PCDH15: variants seen among roughly 807,000 people sequenced by gnomAD.
The protein encoded by PCDH15 is protocadherin related 15.
In PCDH15, 129 loss-of-function variants were observed where a neutral mutation model predicts 178.5. The observed-to-expected ratio is 0.72, with a 90% CI of 0.63 to 0.84. The LOEUF is 0.84. Among genes scored for constraint, PCDH15 ranks in the 40% least tolerant of loss-of-function variants. PCDH15 has a pLI of 0.00. For missense variants in PCDH15, 2,230 were observed against 2,099.9 expected (o/e 1.06, Z -1.21); for synonymous variants, 800 against 732.0 (o/e 1.09, Z -1.50).
chr10:54,900,694 T>C (rs1954624542), intron 2 of PCDH15, among the ~76,000 whole-genome samples: 2 of 152,170 alleles, frequency 1.3e-5, no homozygotes, highest in African/African-American at 4.8e-5. Flanking sequence ...AATGTATAAA[T>C]GGCAACAATA....
intron 36 of PCDH15, among the ~76,000 whole-genome samples, chr10:53,811,261 G>C (rs1339264158): frequency 6.6e-6 from 1 of 152,046 alleles, no homozygotes; most frequent in South Asian, 2.1e-4. Flanking sequence ...TAGGAATTGA[G>C]CAAATATGTT....
At chr10:54,613,800 T>C (rs2093042624) in intron 2 of PCDH15, among the ~76,000 whole-genome samples, 1 of 151,578 alleles carries the variant, frequency 6.6e-6, no homozygotes, top group South Asian at 2.1e-4. Context: ...GCAAATGGTT[T>C]CATTGATTAT....
intron 25 of PCDH15, among the ~76,000 whole-genome samples, chr10:53,919,591 T>C (rs1359318248): frequency 4.6e-5 from 7 of 152,188 alleles, no homozygotes; most frequent in African/African-American, 1.4e-4. Flanking sequence ...ATAACATGTC[T>C]AAAATTACTC....
At chr10:54,903,422 A>G (rs1302152250) in intron 2 of PCDH15, among the ~76,000 whole-genome samples, 1 of 152,180 alleles carries the variant, frequency 6.6e-6, no homozygotes, top group Non-Finnish European at 1.5e-5. Flanking sequence ...TCAGACTTCC[A>G]AAGTATAATA....
intron 2 of PCDH15, among the ~76,000 whole-genome samples, chr10:54,565,393 T>C (rs920301133): frequency 2.6e-5 from 4 of 152,198 alleles, no homozygotes; most frequent in Admixed American, 1.3e-4. Flanking sequence ...CAGACAAGTA[T>C]TTCTACCCAC....
chr10:55,075,645 A>C (rs1248346893), intron 2 of PCDH15, among the ~76,000 whole-genome samples: 1 of 151,844 alleles, frequency 6.6e-6, no homozygotes, highest in African/African-American at 2.4e-5. Flanking sequence ...TTACAGGCAT[A>C]AGCCACTGTG....
chr10:55,290,414 A>C (rs1341067437), intron 1 of PCDH15, among the ~76,000 whole-genome samples: 3 of 152,072 alleles, frequency 2.0e-5, no homozygotes, highest in African/African-American at 7.2e-5. Flanking sequence ...TATTTTCTGT[A>C]TGTTTTGCAT....
intron 3 of PCDH15, among the ~76,000 whole-genome samples, chr10:54,814,063 C>T (rs1027472938): frequency 2.0e-5 from 3 of 152,130 alleles, no homozygotes; most frequent in African/African-American, 7.2e-5. Context: ...ATATATTATG[C>T]CAGCTAATTC....
At chr10:55,482,695 C>T (rs1347055619) in intron 2 of PCDH15, among the ~76,000 whole-genome samples, 1 of 151,810 alleles carries the variant, frequency 6.6e-6, no homozygotes. Flanking sequence ...CGCTGTTAGT[C>T]TGATGGGCTT....
intron 18 of PCDH15, among the ~76,000 whole-genome samples, chr10:54,060,671 C>T (rs113598497): frequency 0.014 from 2,098 of 152,236 alleles, 23 homozygotes; most frequent in African/African-American, 0.028. Flanking sequence ...TTTGGCAAGT[C>T]AAATTTGAAC....
chr10:54,908,896 C>T (rs775509969), intron 2 of PCDH15, among the ~76,000 whole-genome samples: 5 of 151,678 alleles, frequency 3.3e-5, no homozygotes, highest in African/African-American at 7.3e-5. Flanking sequence ...CAGGTCATCC[C>T]GATGAATGCT....
intron 3 of PCDH15, among the ~76,000 whole-genome samples, chr10:54,519,633 C>T (rs1371488675): frequency 1.3e-5 from 2 of 152,124 alleles, no homozygotes; most frequent in Non-Finnish European, 2.9e-5. Context: ...AATGGCCATA[C>T]TGCCCAAGGT....
intron 6 of PCDH15, among the ~76,000 whole-genome samples, chr10:54,344,717 T>C (rs1366782140): frequency 6.6e-6 from 1 of 151,840 alleles, no homozygotes; most frequent in Non-Finnish European, 1.5e-5. Context: ...GAATGTTCAG[T>C]CAGCTGTTTC....
At chr10:53,989,767 G>C (rs1240452470) in intron 21 of PCDH15, among the ~76,000 whole-genome samples, 1 of 152,122 alleles carries the variant, frequency 6.6e-6, no homozygotes, top group Admixed American at 6.5e-5. Context: ...TTAAAAATCA[G>C]AGTCTCTGCT....
chr10:55,071,824 C>A (rs2132014172), intron 2 of PCDH15, among the ~76,000 whole-genome samples: 1 of 152,104 alleles, frequency 6.6e-6, no homozygotes, highest in Non-Finnish European at 1.5e-5. Context: ...ACACCTATTC[C>A]AAAATTGACC....
chr10:54,599,488 T>C lies in PCDH15; in HGVS notation c.91+64684A>G, dbSNP rs74491147. The stretch of plus-strand genomic sequence containing the variant: ...ATTGAAACTGGACCCTTTCCTTACA[T>C]CATATACAAAAATCAATTCAAAATG... On this transcript the variant is annotated intron_variant, in intron 2 of 37. Coordinates refer to ENST00000644397, the MANE Select transcript of PCDH15 (RefSeq NM_001384140.1). 7.2e-5 allele frequency among the ~76,000 whole-genome samples: 11 copies of C among 152,048 alleles called. No homozygotes were observed. In the East Asian group the frequency reaches 2.1e-3, roughly 29 times the overall value.
At chr10:54,727,866 C>T (rs1175953964) in intron 1 of PCDH15, among the ~76,000 whole-genome samples, 2 of 151,394 alleles carry the variant, frequency 1.3e-5, no homozygotes, top group Non-Finnish European at 3.0e-5. Flanking sequence ...ATCACACAAC[C>T]TCCTAAGATT....
chr10:54,449,277 T>C (rs2136267954), intron 3 of PCDH15, among the ~76,000 whole-genome samples: 1 of 151,884 alleles, frequency 6.6e-6, no homozygotes, highest in South Asian at 2.1e-4. Flanking sequence ...AAGTAATAAA[T>C]TTGTTTCATT....
chr10:54,347,633 T>C (rs1041266071), intron 5 of PCDH15, among the ~76,000 whole-genome samples: 6 of 151,816 alleles, frequency 4.0e-5, no homozygotes, highest in African/African-American at 9.7e-5. Context: ...CCTCAGGTAA[T>C]GTAAATGAGT....
Sources: allele counts gnomAD v4.1 joint callset (sites outside exome capture counted in the v4.1 genomes callset), GRCh38; gene constraint gnomAD v4.1.1; transcripts MANE v1.5; gene names NCBI Gene and HGNC (gene_info 2026-07-23, HGNC 2026-07-21).